ZNF343: variants seen among roughly 807,000 people sequenced by gnomAD.
ZNF343 encodes zinc finger protein 343.
ZNF343 carries 11 observed loss-of-function variants against 13.8 expected under a neutral mutation model. The observed-to-expected ratio is 0.80, with a 90% CI of 0.50 to 1.32. The LOEUF is 1.32. Ranked by LOEUF, ZNF343 falls within the 40% of genes most tolerant of loss-of-function variation. The pLI, the probability that ZNF343 is intolerant of heterozygous loss-of-function variation, is 0.00. For missense variants in ZNF343, 658 were observed against 714.2 expected (o/e 0.92, Z 0.90); for synonymous variants, 248 against 260.0 (o/e 0.95, Z 0.44).
chr20:2,491,450 T>G (rs1433739471), intron 5 of ZNF343, among the ~76,000 whole-genome samples: 1 of 152,234 alleles, frequency 6.6e-6, no homozygotes, highest in Non-Finnish European at 1.5e-5. Flanking sequence ...TCACATTATA[T>G]TTCTACTAGA....
At chr20:2,498,234 T>C (rs2122652703) in intron 2 of ZNF343, among the ~76,000 whole-genome samples, 1 of 152,242 alleles carries the variant, frequency 6.6e-6, no homozygotes, top group East Asian at 1.9e-4. Flanking sequence ...CGCATGCCTA[T>C]AATCCCAGCT....
At chr20:2,507,033 G>A (rs557625100) in intron 1 of ZNF343, among the ~76,000 whole-genome samples, 1 of 152,136 alleles carries the variant, frequency 6.6e-6, no homozygotes, top group South Asian at 2.1e-4. Context: ...GGAGGCCCGG[G>A]GCAGGCAGAT....
upstream of ZNF343, chr20:2,509,061 A>T (rs953720727): frequency 2.0e-5 from 3 of 152,220 alleles, no homozygotes; most frequent in African/African-American, 7.2e-5. Flanking sequence ...TAAAATACCC[A>T]TGTTGAAAAC....
chr20:2,497,077 T>C (rs1291038613), intron 2 of ZNF343, among the ~76,000 whole-genome samples: 1 of 129,370 alleles, frequency 7.7e-6, no homozygotes. Context: ...CAAAACTCTG[T>C]CTAAAAAAAA....
intron 5 of ZNF343, among the ~76,000 whole-genome samples, chr20:2,485,640 C>T (rs1381496424): frequency 6.6e-6 from 1 of 152,252 alleles, no homozygotes; most frequent in African/African-American, 2.4e-5. Context: ...CCTTGCCAAA[C>T]TATACAGTGA....
At chr20:2,510,292 TA>T (rs766682733), upstream of ZNF343, among the ~76,000 whole-genome samples, 15 of 152,232 alleles carry the variant, frequency 9.9e-5, no homozygotes, top group Non-Finnish European at 1.6e-4. Flanking sequence ...CCCAACTAGA[TA>T]AAAAGTAAGA....
chr20:2,502,267 G>C (rs968266519), intron 1 of ZNF343, among the ~76,000 whole-genome samples: 4 of 151,842 alleles, frequency 2.6e-5, no homozygotes, highest in Middle Eastern at 3.4e-3. Context: ...AGAGAAAAAA[G>C]AATAAAAAGA....
chr20:2,488,940 A>T (rs1368546469), intron 5 of ZNF343, among the ~76,000 whole-genome samples: 1 of 152,124 alleles, frequency 6.6e-6, no homozygotes, highest in Non-Finnish European at 1.5e-5. Flanking sequence ...AGCTACTAGG[A>T]AGGTTGAGGT....
rs533777302 is a variant in ZNF343 at position 2,516,748 on chromosome 20, G to A, written c.-347+7707C>T. Among the ~76,000 whole-genome samples the A allele has an allele frequency of 7.2e-5, 11 of 152,226 alleles. No individual in the cohort carries two copies. In the South Asian group the frequency reaches 2.3e-3, roughly 32 times the overall value. On this transcript the variant is annotated intron_variant, in intron 1 of 6. Coordinates refer to the ZNF343 transcript ENST00000358413. ...GAGAGTCAAGTGCAATTCAGGTCCA[G>A]TGTATGAGGCTTAGGTCAGGTTTAA...
At chr20:2,484,689 A>G (rs1192967186) in intron 5 of ZNF343, 33 bp from the exon 6 acceptor site, 4 of 1,552,478 alleles carry the variant, frequency 2.6e-6, no homozygotes, top group East Asian at 4.5e-5. Flanking sequence ...TAGAGTAGCC[A>G]TAAGTAGGGC....
At chr20:2,499,921 G>T (rs1396963896) in intron 2 of ZNF343, among the ~76,000 whole-genome samples, 2 of 152,086 alleles carry the variant, frequency 1.3e-5, no homozygotes, top group Non-Finnish European at 2.9e-5. Flanking sequence ...AGAAGAAATG[G>T]GCAGATTTTA....
chr20:2,498,082 C>T (rs1169942733), intron 2 of ZNF343, among the ~76,000 whole-genome samples: 3 of 152,188 alleles, frequency 2.0e-5, no homozygotes, highest in East Asian at 1.9e-4. Context: ...TCAGGCCAGG[C>T]GTGGTGGCTC....
At chr20:2,509,298 G>A, upstream of ZNF343, among the ~76,000 whole-genome samples, 1 of 152,178 alleles carries the variant, frequency 6.6e-6, no homozygotes, top group East Asian at 1.9e-4. Context: ...TCCCTGGGCT[G>A]AGGCTCCATA....
chr20:2,504,345 AT>A (rs1315824796), intron 1 of ZNF343, among the ~76,000 whole-genome samples: 2 of 152,220 alleles, frequency 1.3e-5, no homozygotes, highest in Non-Finnish European at 2.9e-5. Context: ...GACCAGATGG[AT>A]TCACAGCCGA....
At chr20:2,521,888 G>T (rs1358807449) in intron 1 of ZNF343, among the ~76,000 whole-genome samples, 1 of 152,204 alleles carries the variant, frequency 6.6e-6, no homozygotes, top group Non-Finnish European at 1.5e-5. Flanking sequence ...GGCCGGAGGG[G>T]CTCCCCCTAG....
Position 2,522,904 on chromosome 20 carries a change from T to G in ZNF343, c.-347+1551A>C, listed in dbSNP as rs373499000. On this transcript the variant is annotated intron_variant, in intron 1 of 6. Coordinates refer to the ZNF343 transcript ENST00000358413. ...AGGCAGAGGTTGTGGCAGCGGCATT[T>G]GATCCAGAGCAACTCCATCTTGAAT... Among the ~76,000 whole-genome samples, 22 of 152,332 alleles carry G rather than the reference T, an allele frequency of 1.4e-4. No individual in the cohort carries two copies. In the South Asian group the frequency reaches 1.7e-3, roughly 11 times the overall value.
At chr20:2,516,499 C>G (rs1478942191) in intron 1 of ZNF343, among the ~76,000 whole-genome samples, 1 of 151,856 alleles carries the variant, frequency 6.6e-6, no homozygotes, top group South Asian at 2.1e-4. Context: ...TGAGTGTGAG[C>G]GTGGGCATGA....
chr20:2,483,243 C>A lies in ZNF343; in HGVS notation c.1718G>T (p.Gly573Val). ...LLLVHQRTHS[G>V]EKHYVCRECG... ...CTCCCTACAAACATAATGCTTCTCCCCTGAGTGTGTCCTCTGGTGGACAAG... is the reference window on the plus strand; with the variant it reads ...CTCCCTACAAACATAATGCTTCTCCACTGAGTGTGTCCTCTGGTGGACAAG... Residue 573 changes from glycine to valine, a missense_variant, in exon 6 of 6, where the codon GGG (glycine) becomes GTG (valine). Gly to Val is a moderately radical substitution (Grantham distance 109). Transcript: ENST00000278772. 3 of 1,608,734 alleles carry A rather than the reference C, an allele frequency of 1.9e-6. No homozygotes were observed. The highest frequency in any genetic ancestry group is 2.5e-6 in the Non-Finnish European group (3 of 1,178,064).
At chr20:2,491,525 T>C (rs564671500) in intron 5 of ZNF343, among the ~76,000 whole-genome samples, 17 of 152,346 alleles carry the variant, frequency 1.1e-4, no homozygotes, top group African/African-American at 3.8e-4. Context: ...TCCTCTGTTT[T>C]TGTATCACCT....
Sources: gnomAD v4.1 joint callset for allele counts (sites outside exome capture counted in the v4.1 genomes callset) on GRCh38, gnomAD v4.1.1 for gene constraint, MANE v1.5 for transcripts, NCBI Gene and HGNC (gene_info 2026-07-23, HGNC 2026-07-21) for gene names.